The following CEACAM1 variants were observed in gnomAD, a reference collection of about 807,000 sequenced individuals.
CEACAM1 encodes the protein cell adhesion molecule CEACAM1.
CEACAM1 carries 31 observed loss-of-function variants against 49.1 expected under a neutral mutation model. The observed-to-expected ratio is 0.63, with a 90% CI of 0.47 to 0.85. The LOEUF (loss-of-function observed/expected upper bound fraction) is 0.85. CEACAM1 is among the 40% of genes least tolerant of loss of function. The probability of loss-of-function intolerance (pLI) is 0.00; values close to 1 mark genes in which losing one functional copy is unlikely to be tolerated. For synonymous variants in CEACAM1, 244 were observed against 247.8 expected, an observed-to-expected ratio of 0.98 and a Z score of 0.14; for missense variants, 570 against 645.3, an observed-to-expected ratio of 0.88 and a Z score of 1.26.
rs538343980 is a variant in CEACAM1, at chr19:42,524,511, C to T, written c.425-2309G>A. 5.3e-5 allele frequency among the ~76,000 whole-genome samples: 8 copies of T among 152,272 alleles called. No homozygotes were observed. In the South Asian group the frequency reaches 6.2e-4, roughly 12 times the overall value. On this transcript the variant is annotated intron_variant, in intron 2 of 8. Transcript: ENST00000161559. ...TCCACATGTCAGCCTCACTGAGGGA[C>T]GTGGGGACAGTGGCTTATGATGGAC...
chr19:42,511,499 G>C lies in CEACAM1; in HGVS notation c.1429+77C>G, dbSNP rs1453006725. 1.1e-5 allele frequency: 13 copies of C among 1,210,116 alleles called. 1 individual carries two copies. Among genetic ancestry groups the C allele is most frequent in the African/African-American group, 1.5e-5 (1 of 67,134 alleles). The allele number at this position is 1,210,116 out of a possible 1,614,324, so 75.0% of individuals were successfully genotyped here. On this transcript the variant is annotated intron_variant, in intron 7 of 8. Transcript: ENST00000161559. ...ATTCAGAAGGGAGGGAGTGGTTTGG[G>C]AATCCAGGATTCCCTGCCAGGGGAG...
intron 5 of CEACAM1, chr19:42,515,168 T>A (rs549329449): frequency 1.8e-6 from 1 of 543,970 alleles, no homozygotes; most frequent in Non-Finnish European, 3.3e-6. Flanking sequence ...GAGGCTAAGG[T>A]GAGGGAATTG....
rs758142461 is a variant in CEACAM1 at position 42,521,405 on chromosome 19, T to C, written c.820A>G (p.Asn274Asp). 3.1e-6 allele frequency: 5 copies of C among 1,614,204 alleles called. No homozygotes were observed. In the South Asian group the frequency reaches 4.4e-5, roughly 14 times the overall value. ...NPPAQYSWLINGTFQQSTQEL... is the reference protein window; with the variant it reads ...NPPAQYSWLIDGTFQQSTQEL... ...TGTGTGCTTTGCTGGAATGTTCCAT[T>C]GATAAGCCAGGAGTACTGTGCAGGT... The change falls in exon 4 of 9, where the codon AAT (asparagine) becomes GAT (aspartate). Residue 274 changes from asparagine to aspartate, a missense_variant. Transcript: ENST00000161559.
Position 42,509,127 on chromosome 19 carries a change from T to C in CEACAM1, c.1563A>G (p.Ser521=), listed in dbSNP as rs753983528. The C allele has an allele frequency of 4.2e-5, 67 of 1,614,104 alleles. No individual in the cohort carries two copies. Among genetic ancestry groups the C allele is most frequent in the Non-Finnish European group, 5.4e-5 (64 of 1,180,034 alleles). ...PSLTATEIIY[S]EVKKQ ...GGTTTCATTACTGCTTTTTTACTTC[T>C]GAATAAATTATTTCTGTGGCTGTTA... Residue 521 remains serine, a synonymous_variant, in exon 9 of 9, where the codon TCA becomes TCG. Coordinates refer to ENST00000161559, the MANE Select transcript of CEACAM1 (RefSeq NM_001712.5).
In CEACAM1 at chr19:42,522,966, G is replaced by C. The variant is rs543012892; in HGVS notation, c.425-764C>G. On this transcript the variant is annotated intron_variant, in intron 2 of 8. Transcript: ENST00000161559. ...GGGCTCAGAGACCGTGAGGCCGCCT[G>C]CTCTGTGTGAGAGAAGCACAGACTT... Among the ~76,000 whole-genome samples the C allele has an allele frequency of 3.3e-5, 5 of 152,342 alleles. No individual in the cohort carries two copies. The South Asian group carries it at 1.0e-3, about 32-fold the overall frequency.
At chr19:42,509,920 C>T (rs2041415936) in intron 8 of CEACAM1, among the ~76,000 whole-genome samples, 2 of 151,992 alleles carry the variant, frequency 1.3e-5, no homozygotes, top group Non-Finnish European at 1.5e-5. Flanking sequence ...AGCCACTGCA[C>T]CTGGCTGGAA....
intron 7 of CEACAM1, 91 bp from the exon 8 acceptor site, chr19:42,511,011 G>T: frequency 1.7e-6 from 2 of 1,165,382 alleles, no homozygotes; most frequent in Non-Finnish European, 2.6e-6. Context: ...TTGGAGGGTG[G>T]GGAGTTTAAG....
intron 5 of CEACAM1, among the ~76,000 whole-genome samples, chr19:42,514,331 A>ATC (rs2041545639): frequency 6.6e-6 from 1 of 151,882 alleles, no homozygotes; most frequent in Non-Finnish European, 1.5e-5. Context: ...GGGTTTCTCC[A>ATC]TCCTGGTCAG....
chr19:42,524,920 G>A (rs1470479922), intron 2 of CEACAM1, among the ~76,000 whole-genome samples: 1 of 152,152 alleles, frequency 6.6e-6, no homozygotes, highest in Non-Finnish European at 1.5e-5. Context: ...TAGATGGTCA[G>A]GGGATGGAAC....
intron 4 of CEACAM1, chr19:42,520,827 G>GA (rs2041726492): frequency 5.3e-6 from 1 of 187,812 alleles, no homozygotes; most frequent in African/African-American, 2.3e-5. Flanking sequence ...CATCCCTGAT[G>GA]AAGGGCATTT....
chr19:42,511,740 C>T, intron 6 of CEACAM1, 112 bp from the exon 7 acceptor site: 2 of 971,308 alleles, frequency 2.1e-6, no homozygotes, highest in South Asian at 1.4e-5. Context: ...GATGTTCATA[C>T]TGCCTTTCTT....
At chr19:42,515,666 A>G (rs2041582666) in intron 5 of CEACAM1, among the ~76,000 whole-genome samples, 1 of 129,110 alleles carries the variant, frequency 7.7e-6, no homozygotes, top group African/African-American at 4.9e-5. Context: ...CTCAAACCGA[A>G]AAAAAAAAGT....
rs747438222 is a variant in CEACAM1 at position 42,519,075 on chromosome 19, C to A, written c.1119G>T (p.Lys373Asn). 4.3e-6 allele frequency: 7 copies of A among 1,614,178 alleles called. No individual in the cohort carries two copies. The highest frequency in any genetic ancestry group is 5.9e-6 in the Non-Finnish European group (7 of 1,180,030). Residue 373 changes from lysine to asparagine, a missense_variant, in exon 5 of 9, where the codon AAG becomes AAT. Lys to Asn is a moderately conservative substitution (Grantham distance 94). Coordinates refer to ENST00000161559, the MANE Select transcript of CEACAM1 (RefSeq NM_001712.5). The part of the protein sequence containing the change: ...NQSLPSSERM[K>N]LSQGNTTLSI... ...TGAGGGTGGTGTTGCCCTGGGACAG[C>A]TTCATCCTCTCCGAGGACGGGAGAC...
Position 42,527,213 on chromosome 19 carries a change from T to A in CEACAM1, c.252A>T (p.Ile84=), listed in dbSNP as rs2041914002. 9.9e-6 allele frequency: 16 copies of A among 1,614,082 alleles called. No homozygotes were observed. The highest frequency in any genetic ancestry group is 1.3e-5 in the Non-Finnish European group (15 of 1,180,032). The change falls in exon 2 of 9, where the codon ATA becomes ATT. Residue 84 remains isoleucine, a synonymous_variant. Coordinates refer to ENST00000161559, the MANE Select transcript of CEACAM1 (RefSeq NM_001712.5). ...GCCCTGGGGTAGCTTGTTGAGTTCC[T>A]ATTGCATATCCTACAATTTGACGGT... The part of the protein sequence containing the change: ...DGNRQIVGYA[I]GTQQATPGPA...
In CEACAM1 at chr19:42,513,958, CT is replaced by C. The variant is rs869304469; in HGVS notation, c.1247-1480del. 7.7e-3 allele frequency among the ~76,000 whole-genome samples: 671 copies of C among 86,852 alleles called. 1 individual carries two copies. Among genetic ancestry groups the C allele is most frequent in the South Asian group, 0.013 (36 of 2,698 alleles). 57.0% of individuals were successfully genotyped at this position (86,852 alleles called of 152,430 possible). On this transcript the variant is annotated intron_variant, in intron 5 of 8. Transcript: ENST00000161559. ...CCTTTTGCATCTATTTCTTCTTCTT[CT>C]TTTTTTTTTTTTTTTTTTTTGAGGC...
At chr19:42,516,807 T>G (rs1043542910) in intron 5 of CEACAM1, 14 of 363,060 alleles carry the variant, frequency 3.9e-5, no homozygotes, top group South Asian at 1.2e-4. Context: ...TGGAGGCGGG[T>G]GGATTGCTTG....
chr19:42,511,131 G>T, intron 7 of CEACAM1: 1 of 603,540 alleles, frequency 1.7e-6, no homozygotes, highest in Non-Finnish European at 3.0e-6. Context: ...CACTTGTGAA[G>T]AGTTCTACCA....
chr19:42,528,454 ACCTCT>A lies in CEACAM1; in HGVS notation c.-85_-81del. ...ACGCTTCGAGCACGGCTGCTCTGTC[ACCTCT>A]GCTGTTTTCCACTCTCTGTGCTGAG... On this transcript the variant is annotated 5_prime_UTR_variant, in exon 1 of 9. Coordinates refer to ENST00000161559, the MANE Select transcript of CEACAM1 (RefSeq NM_001712.5). 7.2e-7 allele frequency: 1 copy of A among 1,386,864 alleles called. No individual in the cohort carries two copies. Among genetic ancestry groups the A allele is most frequent in the Non-Finnish European group, 1.0e-6 (1 of 980,354 alleles). 85.9% of individuals were successfully genotyped at this position (1,386,864 alleles called of 1,614,324 possible).
At position 42,527,218 on chromosome 19, in the gene CEACAM1, C is replaced by T. The variant is rs1161284704; in HGVS notation, c.247G>A (p.Ala83Thr). The change falls in exon 2 of 9, where the codon GCA becomes ACA. Residue 83 changes from alanine to threonine, a missense_variant. Ala to Thr is a moderately conservative substitution (Grantham distance 58, BLOSUM62 0). Transcript: ENST00000161559. Reference sequence around the variant, plus strand: ...GGGGTAGCTTGTTGAGTTCCTATTGCATATCCTACAATTTGACGGTTGCCA... The same window carrying T: ...GGGGTAGCTTGTTGAGTTCCTATTGTATATCCTACAATTTGACGGTTGCCA... Reference protein sequence around the residue: ...VDGNRQIVGYAIGTQQATPGP... With the variant: ...VDGNRQIVGYTIGTQQATPGP... The T allele has an allele frequency of 6.8e-6, 11 of 1,613,990 alleles. No individual in the cohort carries two copies. The highest frequency in any genetic ancestry group is 4.5e-5 in the East Asian group (2 of 44,886).
Sources: allele counts gnomAD v4.1 joint callset (sites outside exome capture counted in the v4.1 genomes callset), GRCh38; gene constraint gnomAD v4.1.1; transcripts MANE v1.5; gene names NCBI Gene and HGNC (gene_info 2026-07-23, HGNC 2026-07-21).